Variants in DRC8 observed in about 807,000 individuals in gnomAD.
DRC8 encodes dynein regulatory complex subunit 8.
At chr1:245,077,629 ATAGTGTCT>A in the DRC8 span, among the ~76,000 whole-genome samples, 1 of 152,198 alleles carries the variant, frequency 6.6e-6, no homozygotes, top group Non-Finnish European at 1.5e-5. Flanking sequence ...TAGGGAAAGG[ATAGTGTCT>A]TCAATGAATG....
At chr1:244,975,933 G>T in the DRC8 span, among the ~76,000 whole-genome samples, 2 of 151,976 alleles carry the variant, frequency 1.3e-5, no homozygotes, top group East Asian at 1.9e-4. Context: ...TGTTTGGTAC[G>T]TATCTAGTGA....
the DRC8 span, among the ~76,000 whole-genome samples, chr1:245,104,159 C>T: frequency 6.6e-6 from 1 of 152,142 alleles, no homozygotes; most frequent in African/African-American, 2.4e-5. Flanking sequence ...TGATCACCAG[C>T]ATAGGTGATT....
At chr1:245,018,603 A>G in the DRC8 span, among the ~76,000 whole-genome samples, 192 of 152,066 alleles carry the variant, frequency 1.3e-3, 6 homozygotes, top group Admixed American at 2.5e-3. Flanking sequence ...TAACTACATG[A>G]ATGACAAGTG....
chr1:245,088,701 G>A, the DRC8 span, among the ~76,000 whole-genome samples: 1 of 152,210 alleles, frequency 6.6e-6, no homozygotes, highest in African/African-American at 2.4e-5. This position sits in a 1 kb window ranked among gnomAD's most constrained non-coding sequence, Gnocchi z 4.6. Context: ...AAGATGAAAG[G>A]TGCTAGTGAG....
At chr1:245,068,080 C>T in the DRC8 span, among the ~76,000 whole-genome samples, 1 of 152,118 alleles carries the variant, frequency 6.6e-6, no homozygotes, top group African/African-American at 2.4e-5. Context: ...AAAGCATATA[C>T]TGAGAGTATT....
At chr1:245,054,241 C>T in the DRC8 span, among the ~76,000 whole-genome samples, 5 of 152,052 alleles carry the variant, frequency 3.3e-5, no homozygotes, top group South Asian at 2.1e-4. Context: ...GTTCACATCA[C>T]GATCTCTGCT....
the DRC8 span, chr1:245,002,298 C>CCTTG: frequency 7.5e-7 from 1 of 1,331,802 alleles, no homozygotes; most frequent in Non-Finnish European, 1.1e-6. Flanking sequence ...CTGCCTCCAG[C>CCTTG]CTTGCTTCCT....
At chr1:244,974,885 G>A in the DRC8 span, among the ~76,000 whole-genome samples, 1 of 151,548 alleles carries the variant, frequency 6.6e-6, no homozygotes, top group Non-Finnish European at 1.5e-5. Context: ...GTAGAGACAG[G>A]GTTTCACTGT....
the DRC8 span, among the ~76,000 whole-genome samples, chr1:245,034,411 G>A: frequency 0.059 from 8,897 of 151,900 alleles, 308 homozygotes; most frequent in African/African-American, 0.1. Flanking sequence ...GACCAGCCTG[G>A]CCAACATGGC....
chr1:245,099,543 G>A, the DRC8 span, among the ~76,000 whole-genome samples: 1 of 152,114 alleles, frequency 6.6e-6, no homozygotes, highest in East Asian at 1.9e-4. Context: ...TCCCATTCCT[G>A]GCCCAGAGAC....
chr1:244,985,331 C>T, the DRC8 span, among the ~76,000 whole-genome samples: 1 of 152,174 alleles, frequency 6.6e-6, no homozygotes, highest in Non-Finnish European at 1.5e-5. Context: ...AGCTGGATAA[C>T]TTTAGGCAAG....
the DRC8 span, among the ~76,000 whole-genome samples, chr1:244,973,646 C>T: frequency 5.3e-5 from 8 of 152,112 alleles, no homozygotes; most frequent in African/African-American, 1.9e-4. Context: ...TTTCACAGTG[C>T]CACGGTATTC....
At chr1:244,987,425 G>A in the DRC8 span, among the ~76,000 whole-genome samples, 1 of 151,788 alleles carries the variant, frequency 6.6e-6, no homozygotes, top group African/African-American at 2.4e-5. Flanking sequence ...GGCTGGTTTC[G>A]AACTCCTGAC....
the DRC8 span, among the ~76,000 whole-genome samples, chr1:245,010,883 G>A: frequency 9.2e-5 from 14 of 151,816 alleles, no homozygotes; most frequent in African/African-American, 2.9e-4. Flanking sequence ...AGGTTTCACC[G>A]TGTTAGCCAG....
At chr1:245,041,876 A>G in the DRC8 span, among the ~76,000 whole-genome samples, 228 of 152,224 alleles carry the variant, frequency 1.5e-3, no homozygotes, top group African/African-American at 4.8e-3. Context: ...AAATTGAGGA[A>G]GGCCCCAGAA....
At chr1:245,089,134 A>G in the DRC8 span, among the ~76,000 whole-genome samples, 1 of 152,150 alleles carries the variant, frequency 6.6e-6, no homozygotes, top group African/African-American at 2.4e-5. This position sits in a 1 kb window ranked among gnomAD's most constrained non-coding sequence, Gnocchi z 4.8. Context: ...GTCAAGCATG[A>G]ATCCCAGGTT....
the DRC8 span, among the ~76,000 whole-genome samples, chr1:245,063,188 C>T: frequency 3.3e-5 from 5 of 152,212 alleles, no homozygotes; most frequent in African/African-American, 4.8e-5. Flanking sequence ...GGTTTGGTGT[C>T]GCTTGTTCCA....
the DRC8 span, among the ~76,000 whole-genome samples, chr1:245,115,120 G>T: frequency 1.3e-5 from 2 of 151,988 alleles, no homozygotes; most frequent in African/African-American, 4.8e-5. Context: ...GCACGATCTC[G>T]GCTCATGCAG....
At chr1:245,085,912 G>A in the DRC8 span, among the ~76,000 whole-genome samples, 16 of 152,194 alleles carry the variant, frequency 1.1e-4, no homozygotes, top group Non-Finnish European at 1.2e-4. Context: ...GAGTGTAGGC[G>A]ACAAAGCTGA....
Sources: gnomAD v4.1 joint callset for allele counts (sites outside exome capture counted in the v4.1 genomes callset) on GRCh38, gnomAD v4.1.1 for gene constraint, Gnocchi (gnomAD v3.1) non-coding constraint, MANE v1.5 for transcripts, NCBI Gene and HGNC (gene_info 2026-07-23, HGNC 2026-07-21) for gene names.